GREM2: variants seen among roughly 807,000 people sequenced by gnomAD.
The protein encoded by GREM2 is gremlin 2, DAN family BMP antagonist.
GREM2 carries 11 observed loss-of-function variants against 14.2 expected under a neutral mutation model. The observed-to-expected ratio is 0.78, with a 90% confidence interval of 0.49 to 1.28. The LOEUF (loss-of-function observed/expected upper bound fraction) is 1.28, where lower values mean the gene tolerates loss of function less well. Ranked by LOEUF, GREM2 falls within the 50% of genes most tolerant of loss-of-function variation. The pLI, the probability that GREM2 is intolerant of heterozygous loss-of-function variation, is 0.00. For missense variants in GREM2, 210 were observed against 218.5 expected, an observed-to-expected ratio of 0.96 and a Z score of 0.24; for synonymous variants, 98 against 97.6, an observed-to-expected ratio of 1.00 and a Z score of -0.02.
Position 240,490,904 on chromosome 1 carries a change from T to C in GREM2, c.*2065A>G, listed in dbSNP as rs549194183. 1 of 152,464 alleles carries C rather than the reference T, an allele frequency of 6.6e-6. No homozygotes were observed. The highest frequency in any genetic ancestry group is 1.5e-5 in the Non-Finnish European group (1 of 68,086). 9.4% of individuals were successfully genotyped at this position (152,464 alleles called of 1,614,324 possible). ...AAATTTCCTTCCTTCACAGCTTTTCTGCTGCATGTTCTGCCACTGAGTCTG... is the reference window on the plus strand; with the variant it reads ...AAATTTCCTTCCTTCACAGCTTTTCCGCTGCATGTTCTGCCACTGAGTCTG... On this transcript the variant is annotated 3_prime_UTR_variant, in exon 2 of 2. Coordinates refer to ENST00000318160, the MANE Select transcript of GREM2 (RefSeq NM_022469.4).
chr1:240,573,158 C>T (rs1448511711), intron 1 of GREM2, among the ~76,000 whole-genome samples: 2 of 151,882 alleles, frequency 1.3e-5, no homozygotes, highest in African/African-American at 2.4e-5. Context: ...AAAAAAATCA[C>T]GATGAATAAA....
intron 1 of GREM2, among the ~76,000 whole-genome samples, chr1:240,591,709 A>T (rs550261748): frequency 3.3e-5 from 5 of 152,284 alleles, no homozygotes; most frequent in Admixed American, 3.3e-4. Context: ...CCTGGTCATA[A>T]GTCACGACTT....
In GREM2 at chr1:240,603,527, C is replaced by G. The variant is rs1345431011; in HGVS notation, c.-2+8357G>C. On this transcript the variant is annotated intron_variant, in intron 1 of 1. Transcript: ENST00000318160. ...CCCATCCATCTCCCATCCATCTCCC[C>G]CTCCAGCACAAACTTCATTGGCTCA... Among the ~76,000 whole-genome samples, 8 of 151,980 alleles carry G rather than the reference C, an allele frequency of 5.3e-5. No individual in the cohort carries two copies. In the South Asian group the frequency reaches 8.3e-4, roughly 16 times the overall value.
chr1:240,520,972 G>T (rs2103302617), intron 1 of GREM2, among the ~76,000 whole-genome samples: 2 of 147,194 alleles, frequency 1.4e-5, no homozygotes, highest in South Asian at 2.2e-4. Context: ...ATTTAGCTTA[G>T]AACCAACAAT....
intron 1 of GREM2, among the ~76,000 whole-genome samples, chr1:240,605,402 G>C (rs960163173): frequency 2.0e-5 from 3 of 152,060 alleles, no homozygotes; most frequent in African/African-American, 7.2e-5. Context: ...ACTTGAACGT[G>C]AGAGGTTGAG....
At position 240,585,458 on chromosome 1, in the gene GREM2, G is replaced by A. The variant is rs115095332; in HGVS notation, c.-2+26426C>T. On this transcript the variant is annotated intron_variant, in intron 1 of 1. Transcript: ENST00000318160. ...AAGAAATAAAGTTCTGACTGGGCAC[G>A]GTGGCTCACCCCTGTAATCTTAGCA... is the stretch of plus-strand genomic sequence containing the variant. Among the ~76,000 whole-genome samples, 1,444 of 152,100 alleles carry A rather than the reference G, an allele frequency of 9.5e-3. 26 individuals are homozygous for A. Among genetic ancestry groups the A allele is most frequent in the African/African-American group, 0.033 (1,379 of 41,540 alleles).
At chr1:240,547,328 G>T (rs1314017361) in intron 1 of GREM2, among the ~76,000 whole-genome samples, 8 of 151,624 alleles carry the variant, frequency 5.3e-5, no homozygotes, top group Admixed American at 5.3e-4. Context: ...GCGAAACCCT[G>T]TCTCTACTAA....
At chr1:240,506,486 A>G (rs917181955) in intron 1 of GREM2, among the ~76,000 whole-genome samples, 1 of 152,174 alleles carries the variant, frequency 6.6e-6, no homozygotes, top group Admixed American at 6.5e-5. Context: ...GACAAATTAG[A>G]GTGCAAATTC....
At chr1:240,504,446 C>A (rs369196126) in intron 1 of GREM2, among the ~76,000 whole-genome samples, 8 of 152,298 alleles carry the variant, frequency 5.3e-5, no homozygotes, top group African/African-American at 1.4e-4. Flanking sequence ...AAATCCTCAA[C>A]TTCCATTTTT....
intron 1 of GREM2, chr1:240,530,446 A>G (rs1268526582): frequency 1.3e-5 from 2 of 152,180 alleles, no homozygotes; most frequent in East Asian, 1.9e-4. Context: ...TATTCTCCAG[A>G]TACTTTCTAC....
At chr1:240,600,763 C>T (rs545516664) in intron 1 of GREM2, among the ~76,000 whole-genome samples, 47 of 152,266 alleles carry the variant, frequency 3.1e-4, no homozygotes, top group African/African-American at 1.0e-3. Context: ...GGATTACAGG[C>T]GTGAGCCACC....
intron 1 of GREM2, among the ~76,000 whole-genome samples, chr1:240,559,319 C>T (rs73113768): frequency 1.3e-5 from 2 of 151,362 alleles, no homozygotes; most frequent in African/African-American, 4.9e-5. Context: ...ATTAGTATCA[C>T]CGCCAATCTC....
At chr1:240,609,176 C>G (rs1029137145) in intron 1 of GREM2, among the ~76,000 whole-genome samples, 3 of 152,112 alleles carry the variant, frequency 2.0e-5, no homozygotes, top group African/African-American at 7.2e-5. Context: ...TATCATGTCA[C>G]TTTATACCCT....
intron 1 of GREM2, among the ~76,000 whole-genome samples, chr1:240,604,267 G>C (rs972436984): frequency 6.6e-6 from 1 of 151,260 alleles, no homozygotes; most frequent in Admixed American, 6.6e-5. Flanking sequence ...GATGTGGAGG[G>C]GACAAATATC....
chr1:240,575,236 C>T (rs1046186459), intron 1 of GREM2, among the ~76,000 whole-genome samples: 3 of 152,102 alleles, frequency 2.0e-5, no homozygotes, highest in South Asian at 2.1e-4. Flanking sequence ...GTATTCACCC[C>T]TCGGCCTTAG....
chr1:240,506,802 G>A (rs148483247), intron 1 of GREM2, among the ~76,000 whole-genome samples: 7 of 152,320 alleles, frequency 4.6e-5, no homozygotes, highest in African/African-American at 1.2e-4. Flanking sequence ...CAAAGAAACC[G>A]AAAGGGACAA....
chr1:240,564,228 G>C (rs1471896787), intron 1 of GREM2, among the ~76,000 whole-genome samples: 1 of 151,340 alleles, frequency 6.6e-6, no homozygotes, highest in Non-Finnish European at 1.5e-5. Flanking sequence ...AAATAGGGCT[G>C]GGTGTGGTGG....
chr1:240,493,298 G>A lies in GREM2; in HGVS notation c.178C>T (p.Leu60=), dbSNP rs765811083. The A allele has an allele frequency of 3.1e-6, 5 of 1,614,016 alleles. No homozygotes were observed. The South Asian group carries it at 5.5e-5, about 18-fold the overall frequency. The change falls in exon 2 of 2, where the codon CTG becomes TTG. Residue 60 remains leucine (L), a synonymous_variant. Coordinates refer to ENST00000318160, the MANE Select transcript of GREM2 (RefSeq NM_022469.4). ...KEVLASSQEA[L]VVTERKYLKS... is the part of the protein sequence containing the mutation. ...AGGTACTTGCGCTCGGTGACCACCA[G>A]GGCCTCCTGGCTGGAGGCCAGCACC...
chr1:240,509,770 G>A (rs1360206360), intron 1 of GREM2, among the ~76,000 whole-genome samples: 4 of 152,152 alleles, frequency 2.6e-5, no homozygotes, highest in African/African-American at 9.7e-5. Context: ...CTTAAGAAGC[G>A]GAAGAGAATC....
Sources: gnomAD v4.1 joint callset for allele counts (sites outside exome capture counted in the v4.1 genomes callset) on GRCh38, gnomAD v4.1.1 for gene constraint, MANE v1.5 for transcripts, NCBI Gene and HGNC (gene_info 2026-07-23, HGNC 2026-07-21) for gene names.